TG: variants seen among roughly 807,000 people sequenced by gnomAD.
TG encodes the protein thyroglobulin, also known as thyroid hormones.
Under a neutral mutation model 324.7 loss-of-function variants are expected in TG, and 270 were observed. The observed-to-expected ratio is 0.83, with a 90% CI of 0.75 to 0.92. The LOEUF (loss-of-function observed/expected upper bound fraction) is 0.92, where lower values mean the gene tolerates loss of function less well. Ranked by LOEUF, TG falls within the 40% of genes least tolerant of loss-of-function variation. TG has a pLI of 0.00. For missense variants in TG, 3,591 were observed against 3,456.4 expected, an observed-to-expected ratio of 1.04 and a Z score of -0.98; for synonymous variants, 1,401 against 1,327.0, an observed-to-expected ratio of 1.06 and a Z score of -1.21.
intron 45 of TG, among the ~76,000 whole-genome samples, chr8:133,120,470 C>G (rs1373364376): frequency 1.3e-5 from 2 of 152,166 alleles, no homozygotes; most frequent in African/African-American, 4.8e-5. Context: ...CTGGAAGCCA[C>G]AAGGATGAAT....
intron 7 of TG, 42 bp downstream of exon 7, chr8:132,882,654 G>A (rs763960508): frequency 6.2e-7 from 1 of 1,614,086 alleles, no homozygotes; most frequent in East Asian, 2.2e-5. Flanking sequence ...TTCCATTAGG[G>A]GGACGCCTCT....
intron 45 of TG, among the ~76,000 whole-genome samples, chr8:133,117,482 G>A (rs1850793348): frequency 6.6e-6 from 1 of 152,208 alleles, no homozygotes; most frequent in Admixed American, 6.5e-5. Flanking sequence ...CTGTTCTACT[G>A]CCCCATGAGC....
chr8:133,118,418 G>A (rs148718581), intron 45 of TG, among the ~76,000 whole-genome samples: 168 of 146,554 alleles, frequency 1.1e-3, no homozygotes, highest in African/African-American at 4.1e-3. Context: ...TCCACCTCCC[G>A]GATTCAAGCA....
Position 133,096,313 on chromosome 8 carries a change from C to A in TG, c.7512C>A (p.Val2504=), listed in dbSNP as rs374133544. The A allele has an allele frequency of 1.2e-6, 2 of 1,614,162 alleles. No homozygotes were observed. Among genetic ancestry groups the A allele is most frequent in the Non-Finnish European group, 1.7e-6 (2 of 1,180,036 alleles). The change falls in exon 43 of 48, where the codon GTC becomes GTA. Residue 2504 remains valine (V), a synonymous_variant. Coordinates refer to ENST00000220616, the MANE Select transcript of TG (RefSeq NM_003235.5). Reference sequence around the variant, plus strand: ...TGAAGAGGTCTTTATGGGTAGAGGTCGATCTGCTCATTGGGAGTTCTCAGG... The same window carrying A: ...TGAAGAGGTCTTTATGGGTAGAGGTAGATCTGCTCATTGGGAGTTCTCAGG... ...RALKRSLWVE[V]DLLIGSSQDD...
intron 22 of TG, among the ~76,000 whole-genome samples, chr8:132,926,884 C>G (rs141489502): frequency 6.6e-6 from 1 of 152,188 alleles, no homozygotes; most frequent in East Asian, 1.9e-4. Flanking sequence ...TCCCTGACTG[C>G]CTGCTGCCTC....
At chr8:132,871,914 T>C (rs1232891219) in intron 4 of TG, among the ~76,000 whole-genome samples, 1 of 152,194 alleles carries the variant, frequency 6.6e-6, no homozygotes, top group Non-Finnish European at 1.5e-5. Flanking sequence ...GATGGTCCCA[T>C]AAGATTATAA....
chr8:132,944,469 A>T (rs1034020584), intron 26 of TG, among the ~76,000 whole-genome samples: 1 of 152,104 alleles, frequency 6.6e-6, no homozygotes, highest in Admixed American at 6.5e-5. Flanking sequence ...GGTGGATTCG[A>T]ACTCCCCAGG....
intron 11 of TG, among the ~76,000 whole-genome samples, chr8:132,896,599 G>A (rs1042522878): frequency 5.3e-5 from 8 of 152,170 alleles, no homozygotes; most frequent in African/African-American, 1.9e-4. Context: ...TTAGGAGGAG[G>A]GTGGTGGTTG....
intron 22 of TG, among the ~76,000 whole-genome samples, chr8:132,927,103 G>T (rs892126847): frequency 9.2e-5 from 14 of 152,138 alleles, no homozygotes; most frequent in African/African-American, 3.1e-4. Flanking sequence ...TCAAGTGCCT[G>T]AACAGAGGTA....
intron 35 of TG, among the ~76,000 whole-genome samples, chr8:133,007,056 A>G (rs1190578448): frequency 6.6e-6 from 1 of 152,088 alleles, no homozygotes; most frequent in Non-Finnish European, 1.5e-5. Flanking sequence ...TGTTGACTGG[A>G]GGTTGGCTGT....
At chr8:133,021,496 A>G (rs193016241) in intron 39 of TG, among the ~76,000 whole-genome samples, 2 of 152,298 alleles carry the variant, frequency 1.3e-5, no homozygotes, top group East Asian at 3.9e-4. Flanking sequence ...TTCCTTCTCT[A>G]TGAATGGGGT....
chr8:132,936,815 G>A (rs1358129634), intron 25 of TG, among the ~76,000 whole-genome samples: 1 of 152,226 alleles, frequency 6.6e-6, no homozygotes, highest in Non-Finnish European at 1.5e-5. Context: ...CCATGGCCAG[G>A]CTCTGACCTG....
intron 30 of TG, among the ~76,000 whole-genome samples, chr8:132,966,946 CCCAT>C (rs754135665): frequency 1.6e-4 from 24 of 152,018 alleles, no homozygotes; most frequent in Admixed American, 1.1e-3. Context: ...CGTCCATTCA[CCCAT>C]CCATCCATCC....
intron 41 of TG, chr8:133,063,787 G>A (rs1417535611): frequency 6.6e-6 from 1 of 152,162 alleles, no homozygotes; most frequent in Non-Finnish European, 1.5e-5. Flanking sequence ...TCTGCTCAGT[G>A]GCTTTCTATA....
chr8:132,877,548 G>C (rs1813997059), intron 5 of TG, among the ~76,000 whole-genome samples: 1 of 152,222 alleles, frequency 6.6e-6, no homozygotes, highest in Non-Finnish European at 1.5e-5. Flanking sequence ...AGATGTTAGA[G>C]AATCTGACTG....
At chr8:132,962,870 G>T in intron 28 of TG, 124 bp from the exon 29 acceptor site, 1 of 846,596 alleles carries the variant, frequency 1.2e-6, no homozygotes, top group Admixed American at 1.7e-5. Flanking sequence ...ATCTGTTGCA[G>T]ATCTTCTCTA....
rs572328602 is a variant in TG, at chr8:132,990,019, T to C, written c.6262+6607T>C. ...AGCAGATAAAGTATAATGCTCAGCA[T>C]GGAATTTGCTGTAGAGTGGGTGTTC... is the stretch of plus-strand genomic sequence containing the variant. On this transcript the variant is annotated intron_variant, in intron 35 of 47. Transcript: ENST00000220616. Among the ~76,000 whole-genome samples, 5 of 152,178 alleles carry C rather than the reference T, an allele frequency of 3.3e-5. No individual in the cohort carries two copies. The East Asian group carries it at 9.7e-4, about 29-fold the overall frequency.
chr8:133,053,052 A>G (rs1840715279), intron 41 of TG, among the ~76,000 whole-genome samples: 1 of 152,148 alleles, frequency 6.6e-6, no homozygotes, highest in Non-Finnish European at 1.5e-5. Flanking sequence ...CCAACTTGCC[A>G]GGCACCCTGG....
At chr8:132,935,691 G>GA (rs1263582670) in intron 24 of TG, 65 bp from the exon 25 acceptor site, 21 of 1,433,932 alleles carry the variant, frequency 1.5e-5, no homozygotes, top group South Asian at 4.7e-5. Flanking sequence ...AGGGTTGGAT[G>GA]AATGTTTGTT....
Sources: allele counts gnomAD v4.1 joint callset (sites outside exome capture counted in the v4.1 genomes callset), GRCh38; gene constraint gnomAD v4.1.1; transcripts MANE v1.5; gene names NCBI Gene and HGNC (gene_info 2026-07-23, HGNC 2026-07-21).